Variants in SEPTIN9 observed in about 807,000 individuals in gnomAD.
SEPTIN9 encodes the protein septin 9.
SEPTIN9 carries 13 observed loss-of-function variants against 56.6 expected under a neutral mutation model. The observed-to-expected ratio is 0.23, with a 90% CI of 0.15 to 0.37. The LOEUF (loss-of-function observed/expected upper bound fraction) is 0.37. Among genes scored for constraint, SEPTIN9 ranks in the 10% least tolerant of loss-of-function variants. The pLI, the probability that SEPTIN9 is intolerant of heterozygous loss-of-function variation, is 1.00. For missense variants in SEPTIN9, 650 were observed against 823.1 expected (o/e 0.79, Z 2.57); for synonymous variants, 332 against 334.1 (o/e 0.99, Z 0.07).
chr17:77,401,964 C>T lies in SEPTIN9; in HGVS notation c.77-95C>T, dbSNP rs184893667. On this transcript the variant is annotated intron_variant, in intron 2 of 11. Coordinates refer to ENST00000427177, the MANE Select transcript of SEPTIN9 (RefSeq NM_001113491.2). ...AGACCCCCGGCCCTCACCGCCGCATCGCCTGCCTTCCTCTGCTGCTCCTTA... is the reference window on the plus strand; with the variant it reads ...AGACCCCCGGCCCTCACCGCCGCATTGCCTGCCTTCCTCTGCTGCTCCTTA... 1,926 of 1,343,990 alleles carry T rather than the reference C, an allele frequency of 1.4e-3. 6 individuals carry two copies. Among genetic ancestry groups the T allele is most frequent in the Admixed American group, 3.3e-3 (151 of 45,680 alleles). 83.3% of individuals were successfully genotyped at this position (1,343,990 alleles called of 1,614,324 possible).
rs752726727 is a variant in SEPTIN9, at chr17:77,499,421, G to C, written c.*763G>C. 3.5e-5 allele frequency: 19 copies of C among 538,760 alleles called. No homozygotes were observed. The highest frequency in any genetic ancestry group is 2.3e-4 in the South Asian group (15 of 65,450). The allele number at this position is 538,760 out of a possible 1,614,324, so 33.4% of individuals were successfully genotyped here. A position where few individuals can be genotyped will look rare whatever the true frequency, so the allele number is the denominator to read the frequency against. On this transcript the variant is annotated 3_prime_UTR_variant, in exon 12 of 12. Coordinates refer to ENST00000427177, the MANE Select transcript of SEPTIN9 (RefSeq NM_001113491.2). ...ACCGGGCTGCAGGTGCTGCTGATGC[G>C]CTGGGATCTGATTGAGGATAAAAAG...
Position 77,367,660 on chromosome 17 carries a change from AC to A in SEPTIN9, c.77-34398del, listed in dbSNP as rs1478850610. On this transcript the variant is annotated intron_variant, in intron 2 of 11. Coordinates refer to ENST00000427177, the MANE Select transcript of SEPTIN9 (RefSeq NM_001113491.2). This position sits in a 1 kb window ranked among gnomAD's most constrained non-coding sequence, Gnocchi z 4.5. ...GTGAAACCCCATCTCTACTAAAAAA[AC>A]AAAAATTAGCCGGGCATGGTAGCGG... Among the ~76,000 whole-genome samples, 1 of 152,040 alleles carries A rather than the reference AC, an allele frequency of 6.6e-6. No homozygotes were observed. The highest frequency in any genetic ancestry group is 1.5e-5 in the Non-Finnish European group (1 of 67,996).
rs1381000233 is a variant in SEPTIN9, at chr17:77,456,974, G to A, written c.722-25170G>A. 6.6e-6 allele frequency among the ~76,000 whole-genome samples: 1 copy of A among 152,244 alleles called. No individual in the cohort carries two copies. Among genetic ancestry groups the A allele is most frequent in the African/African-American group, 2.4e-5 (1 of 41,454 alleles). On this transcript the variant is annotated intron_variant, in intron 3 of 11. Transcript: ENST00000427177. This position sits in a 1 kb window ranked among gnomAD's most constrained non-coding sequence, Gnocchi z 6.0. ...GAGGGCACGGTTGACTAAAGCTGCA[G>A]GAGCCAGCCTGGCCATCCTGAGGCA...
intron 2 of SEPTIN9, among the ~76,000 whole-genome samples, chr17:77,385,466 A>G (rs1347473577): frequency 1.3e-5 from 2 of 152,086 alleles, no homozygotes; most frequent in African/African-American, 4.8e-5. Flanking sequence ...TGATCCATCC[A>G]TCTCGGCCTC....
chr17:77,288,012 C>A, intron 1 of SEPTIN9: 1 of 1,060,536 alleles, frequency 9.4e-7, no homozygotes, highest in Non-Finnish European at 1.1e-6. Context: ...TGAGAGGAAC[C>A]CTGGATGGCC....
chr17:77,379,091 A>C (rs1415054201), intron 2 of SEPTIN9, among the ~76,000 whole-genome samples: 1 of 151,996 alleles, frequency 6.6e-6, no homozygotes, highest in African/African-American at 2.4e-5. Context: ...GGCCCAGTCA[A>C]GTGTGGTGCA....
rs983117144 is a variant in SEPTIN9 at position 77,476,459 on chromosome 17, G to C, written c.722-5685G>C. Among the ~76,000 whole-genome samples the C allele has an allele frequency of 1.3e-5, 2 of 152,238 alleles. No homozygotes were observed. The highest frequency in any genetic ancestry group is 4.8e-5 in the African/African-American group (2 of 41,458). On this transcript the variant is annotated intron_variant, in intron 3 of 11. Transcript: ENST00000427177. This position sits in a 1 kb window ranked among gnomAD's most constrained non-coding sequence, Gnocchi z 6.0. ...GGTTGGGGTAAGAATTTGTCACTAA[G>C]TGCAGATGTTCCCAGAGGGTGCTGG...
chr17:77,383,059 T>C (rs1421441730), intron 2 of SEPTIN9, among the ~76,000 whole-genome samples: 1 of 151,946 alleles, frequency 6.6e-6, no homozygotes, highest in African/African-American at 2.4e-5. Flanking sequence ...TTTACATCTC[T>C]CCTAATATTT....
chr17:77,379,144 T>TG (rs962971407), intron 2 of SEPTIN9, among the ~76,000 whole-genome samples: 1 of 151,940 alleles, frequency 6.6e-6, no homozygotes, highest in African/African-American at 2.4e-5. Context: ...TGTCTAGTGG[T>TG]GAGACCAAGG....
chr17:77,463,659 A>G (rs1322733850), intron 3 of SEPTIN9, among the ~76,000 whole-genome samples: 2 of 152,078 alleles, frequency 1.3e-5, no homozygotes, highest in Admixed American at 1.3e-4. Context: ...CCTGGCCAAC[A>G]TGGTGAAATC....
At chr17:77,289,339 C>A (rs1236859129) in intron 1 of SEPTIN9, among the ~76,000 whole-genome samples, 1 of 151,840 alleles carries the variant, frequency 6.6e-6, no homozygotes, top group African/African-American at 2.4e-5. Context: ...TCAGGTGATC[C>A]ACCTGCCCCG....
At position 77,367,319 on chromosome 17, in the gene SEPTIN9, G is replaced by A. The variant is rs764778698; in HGVS notation, c.77-34740G>A. On this transcript the variant is annotated intron_variant, in intron 2 of 11. Coordinates refer to ENST00000427177, the MANE Select transcript of SEPTIN9 (RefSeq NM_001113491.2). The surrounding 1 kb of genome is among the most constrained non-coding windows in gnomAD (Gnocchi z 4.5). ...AGGTCTGCTTGGTGGCTGGCAGAACGCACATGAAGAATCCATGTGTGTTCT... is the reference window on the plus strand; with the variant it reads ...AGGTCTGCTTGGTGGCTGGCAGAACACACATGAAGAATCCATGTGTGTTCT... Among the ~76,000 whole-genome samples the A allele has an allele frequency of 3.0e-4, 46 of 152,292 alleles. No individual in the cohort carries two copies. The highest frequency in any genetic ancestry group is 3.4e-3 in the Middle Eastern group (1 of 294).
At chr17:77,413,954 TTTTC>T (rs1251515546) in intron 3 of SEPTIN9, among the ~76,000 whole-genome samples, 15 of 108,236 alleles carry the variant, frequency 1.4e-4, no homozygotes, top group Non-Finnish European at 2.0e-4. Context: ...TTTTTTTTTT[TTTTC>T]CCCTCTCTCT....
At chr17:77,459,595 G>A (rs1182519508) in intron 3 of SEPTIN9, among the ~76,000 whole-genome samples, 4 of 152,212 alleles carry the variant, frequency 2.6e-5, no homozygotes, top group Admixed American at 1.3e-4. Flanking sequence ...TCTGCAGGCT[G>A]TACAAGTGGT....
At chr17:77,381,245 G>A (rs2035132004) in intron 2 of SEPTIN9, among the ~76,000 whole-genome samples, 1 of 152,218 alleles carries the variant, frequency 6.6e-6, no homozygotes, top group Non-Finnish European at 1.5e-5. Flanking sequence ...TGGGAAGAGA[G>A]CATTCCTGGC....
At chr17:77,353,574 G>C (rs1056061129) in intron 2 of SEPTIN9, among the ~76,000 whole-genome samples, 1 of 152,056 alleles carries the variant, frequency 6.6e-6, no homozygotes, top group African/African-American at 2.4e-5. Flanking sequence ...ATCTTTGCTT[G>C]TCTTATTTTA....
At chr17:77,422,243 T>C (rs1168220376) in intron 3 of SEPTIN9, among the ~76,000 whole-genome samples, 3 of 152,216 alleles carry the variant, frequency 2.0e-5, no homozygotes, top group Non-Finnish European at 2.9e-5. Flanking sequence ...CTCTGGGCTC[T>C]GTCCTGTACC....
chr17:77,311,984 A>G (rs1338805186), intron 2 of SEPTIN9, among the ~76,000 whole-genome samples: 1 of 152,092 alleles, frequency 6.6e-6, no homozygotes, highest in Non-Finnish European at 1.5e-5. Flanking sequence ...CAAGCAGGAA[A>G]TCTCAGAGTT....
chr17:77,430,414 G>T (rs1035393875), intron 3 of SEPTIN9, among the ~76,000 whole-genome samples: 2 of 152,178 alleles, frequency 1.3e-5, no homozygotes, highest in Non-Finnish European at 2.9e-5. Flanking sequence ...CCACTAGGCC[G>T]TGGATAGAGC....
Sources: gnomAD v4.1 joint callset for allele counts (sites outside exome capture counted in the v4.1 genomes callset) on GRCh38, gnomAD v4.1.1 for gene constraint, Gnocchi (gnomAD v3.1) non-coding constraint, MANE v1.5 for transcripts, NCBI Gene and HGNC (gene_info 2026-07-23, HGNC 2026-07-21) for gene names.